The following CNPY1 variants were observed in gnomAD, a reference collection of about 807,000 sequenced individuals.
CNPY1 encodes protein canopy homolog 1.
A neutral mutation model predicts 14.4 loss-of-function variants in CNPY1; 14 were observed. The observed-to-expected ratio is 0.97, with a 90% CI of 0.64 to 1.52. CNPY1 has a LOEUF of 1.52. Ranked by LOEUF, CNPY1 falls within the 40% of genes most tolerant of loss-of-function variation. The pLI is 0.00. For missense variants in CNPY1, 129 were observed against 131.5 expected (o/e 0.98, Z 0.09); for synonymous variants, 43 against 46.5 (o/e 0.92, Z 0.31).
chr7:155,516,863 C>T (rs1391767713), intron 2 of CNPY1, among the ~76,000 whole-genome samples: 4 of 152,328 alleles, frequency 2.6e-5, no homozygotes, highest in African/African-American at 2.4e-5. Context: ...AGCAGCCCTC[C>T]GGGAAGCCCT....
Position 155,507,058 on chromosome 7 carries a change from G to T in CNPY1, c.362C>A (p.Thr121Lys), listed in dbSNP as rs1347405391. 6.2e-7 allele frequency: 1 copy of T among 1,612,528 alleles called. No homozygotes were observed. The highest frequency in any genetic ancestry group is 1.3e-5 in the African/African-American group (1 of 74,850). Residue 121 changes from threonine to lysine, a missense_variant, in exon 4 of 5, where the codon ACA becomes AAA. Transcript: ENST00000636446. ...GCACAGCTTGTCAGCTAGATAGTGTGTCTCCTGGGCGATAAGTGAGGATAT... is the reference window on the plus strand; with the variant it reads ...GCACAGCTTGTCAGCTAGATAGTGTTTCTCCTGGGCGATAAGTGAGGATAT... Reference protein sequence around the residue: ...DEISSLIAQETHYLADKLCSE... With the variant: ...DEISSLIAQEKHYLADKLCSE...
chr7:155,511,603 C>T (rs369677590), intron 2 of CNPY1, among the ~76,000 whole-genome samples: 1 of 152,144 alleles, frequency 6.6e-6, no homozygotes, highest in Non-Finnish European at 1.5e-5. Flanking sequence ...AAGGTACAAA[C>T]GTGTGAATTT....
In CNPY1 at chr7:155,507,119, G is replaced by A. The variant is rs1441171869; in HGVS notation, c.304-3C>T. On this transcript the variant is annotated splice_region_variant and splice_polypyrimidine_tract_variant and intron_variant, in intron 3 of 4. Coordinates refer to ENST00000636446, the MANE Select transcript of CNPY1 (RefSeq NM_001393663.1). ...TACTCTTCTATTATAGTTTCACACTGTAGAAACATAATAACAACATATGTG... is the reference window on the plus strand; with the variant it reads ...TACTCTTCTATTATAGTTTCACACTATAGAAACATAATAACAACATATGTG... 7 of 1,567,908 alleles carry A rather than the reference G, an allele frequency of 4.5e-6. No homozygotes were observed. Among genetic ancestry groups the A allele is most frequent in the African/African-American group, 1.4e-5 (1 of 73,990 alleles).
At chr7:155,537,980 A>G (rs1183034960) in intron 2 of CNPY1, among the ~76,000 whole-genome samples, 1 of 152,232 alleles carries the variant, frequency 6.6e-6, no homozygotes, top group African/African-American at 2.4e-5. Context: ...AACTGTGACT[A>G]TTGTCTCAGT....
chr7:155,503,675 TA>T (rs1409988879), intron 4 of CNPY1, among the ~76,000 whole-genome samples: 3 of 152,226 alleles, frequency 2.0e-5, no homozygotes, highest in African/African-American at 7.2e-5. Context: ...AAAAATCTTT[TA>T]CTTTAAATGT....
At chr7:155,526,298 C>T (rs1017626622) in intron 2 of CNPY1, among the ~76,000 whole-genome samples, 3 of 152,118 alleles carry the variant, frequency 2.0e-5, no homozygotes, top group African/African-American at 7.2e-5. Flanking sequence ...CCCTCCATGT[C>T]GACTCCACAG....
intron 2 of CNPY1, among the ~76,000 whole-genome samples, chr7:155,544,804 AGT>A (rs1382480309): frequency 6.6e-6 from 1 of 152,188 alleles, no homozygotes; most frequent in Non-Finnish European, 1.5e-5. Flanking sequence ...TCCATCCTTG[AGT>A]GTGCCTTTGG....
intron 2 of CNPY1, among the ~76,000 whole-genome samples, chr7:155,534,073 G>A (rs1035254230): frequency 5.3e-5 from 8 of 152,154 alleles, no homozygotes; most frequent in African/African-American, 1.9e-4. Flanking sequence ...GTCCCCCTAG[G>A]ACACTGACAT....
chr7:155,540,803 C>T (rs1317621176), intron 2 of CNPY1, among the ~76,000 whole-genome samples: 2 of 152,200 alleles, frequency 1.3e-5, no homozygotes, highest in African/African-American at 2.4e-5. Context: ...GACTCCAGCT[C>T]CCTGACCCTG....
chr7:155,508,977 C>T lies in CNPY1; in HGVS notation c.220G>A (p.Ala74Thr), dbSNP rs1344924963. ...TATATTTTGTCTCCTTTCCTAGGAG[C>T]GAATCTCTTGAAAGTTCTCTCCTTC... ...VTKERTFKRF[A>T]PRKGDKIYQE... The change falls in exon 3 of 5, where the codon GCT becomes ACT. Residue 74 changes from alanine (A) to threonine (T), a missense_variant. Ala to Thr is a moderately conservative substitution (Grantham distance 58, BLOSUM62 0). Coordinates refer to ENST00000636446, the MANE Select transcript of CNPY1 (RefSeq NM_001393663.1). 6 of 1,613,294 alleles carry T rather than the reference C, an allele frequency of 3.7e-6. No individual in the cohort carries two copies. The highest frequency in any genetic ancestry group is 1.7e-5 in the Admixed American group (1 of 59,970).
chr7:155,501,134 A>T lies in CNPY1; in HGVS notation c.*1934T>A, dbSNP rs1796092967. The T allele has an allele frequency of 6.6e-6, 1 of 152,236 alleles. No individual in the cohort carries two copies. The highest frequency in any genetic ancestry group is 1.9e-4 in the East Asian group (1 of 5,206). 9.4% of individuals were successfully genotyped at this position (152,236 alleles called of 1,614,324 possible). A position where few individuals can be genotyped will look rare whatever the true frequency, so the allele number is the denominator to read the frequency against. On this transcript the variant is annotated 3_prime_UTR_variant, in exon 5 of 5. Transcript: ENST00000636446. ...AAGTCATGAGATATTAAAAATTTGC[A>T]AGATACAAGACTATTTTTAATGGGA... is the stretch of plus-strand genomic sequence containing the variant.
chr7:155,510,788 T>C (rs1431706341), intron 2 of CNPY1, among the ~76,000 whole-genome samples: 1 of 152,226 alleles, frequency 6.6e-6, no homozygotes, highest in Non-Finnish European at 1.5e-5. Flanking sequence ...ATGCAAAGAA[T>C]ACGTAGATTA....
intron 2 of CNPY1, among the ~76,000 whole-genome samples, chr7:155,544,642 G>A (rs1797137989): frequency 6.6e-6 from 1 of 152,216 alleles, no homozygotes; most frequent in Non-Finnish European, 1.5e-5. Context: ...GACCAGGACT[G>A]TACTGGATTT....
chr7:155,544,911 T>G (rs962685886), intron 2 of CNPY1, among the ~76,000 whole-genome samples: 12 of 152,278 alleles, frequency 7.9e-5, no homozygotes, highest in African/African-American at 2.4e-4. Flanking sequence ...CATTCATAAC[T>G]GAGGCGCATT....
intron 2 of CNPY1, among the ~76,000 whole-genome samples, chr7:155,538,118 G>T (rs952148655): frequency 2.0e-5 from 3 of 152,118 alleles, no homozygotes. Flanking sequence ...TTTTCACATG[G>T]CAATTTACAG....
intron 4 of CNPY1, among the ~76,000 whole-genome samples, chr7:155,504,770 C>T (rs1424916659): frequency 6.6e-6 from 1 of 151,862 alleles, no homozygotes; most frequent in Admixed American, 6.6e-5. Flanking sequence ...GAGTGTCTAT[C>T]ACAGCAAAGC....
chr7:155,530,327 T>C (rs1215603262), intron 2 of CNPY1, among the ~76,000 whole-genome samples: 1 of 108,486 alleles, frequency 9.2e-6, no homozygotes, highest in Non-Finnish European at 1.7e-5. Flanking sequence ...TGAGACAGAG[T>C]CTCACTCTGT....
At chr7:155,543,034 G>A (rs1401276019) in intron 2 of CNPY1, among the ~76,000 whole-genome samples, 1 of 152,108 alleles carries the variant, frequency 6.6e-6, no homozygotes, top group Non-Finnish European at 1.5e-5. Flanking sequence ...TCGGATTCTC[G>A]GGGGAACCCG....
intron 2 of CNPY1, among the ~76,000 whole-genome samples, chr7:155,544,254 T>C (rs1009308914): frequency 1.3e-5 from 2 of 152,198 alleles, no homozygotes; most frequent in Non-Finnish European, 2.9e-5. Context: ...AATGCAGAGA[T>C]GCTATTCTTT....
Sources: allele counts gnomAD v4.1 joint callset (sites outside exome capture counted in the v4.1 genomes callset), GRCh38; gene constraint gnomAD v4.1.1; transcripts MANE v1.5; gene names NCBI Gene and HGNC (gene_info 2026-07-23, HGNC 2026-07-21).